THSD7B: variants seen among roughly 807,000 people sequenced by gnomAD.
THSD7B encodes the protein thrombospondin type-1 domain-containing protein 7B.
A neutral mutation model predicts 213.6 loss-of-function variants in THSD7B; 138 were observed. The ratio of observed to expected loss-of-function variants is 0.65; its 90% confidence interval spans 0.56 to 0.74. The LOEUF is 0.74. THSD7B is among the 30% of genes least tolerant of loss of function. THSD7B has a pLI of 0.00. For synonymous variants in THSD7B, 742 were observed against 687.0 expected, an observed-to-expected ratio of 1.08 and a Z score of -1.25; for missense variants, 1,931 against 1,991.5, an observed-to-expected ratio of 0.97 and a Z score of 0.58.
chr2:137,577,923 A>T (rs542725151), intron 17 of THSD7B, among the ~76,000 whole-genome samples: 1 of 152,298 alleles, frequency 6.6e-6, no homozygotes, highest in Non-Finnish European at 1.5e-5. Context: ...GATTCAAGAG[A>T]ATTGGAGAGA....
intron 3 of THSD7B, among the ~76,000 whole-genome samples, chr2:137,073,563 G>GT (rs1165507540): frequency 2.6e-5 from 4 of 152,164 alleles, no homozygotes; most frequent in East Asian, 1.9e-4. Context: ...TTTTGGAAGG[G>GT]TTTTTTGTGT....
At position 137,375,968 on chromosome 2, in the gene THSD7B, T is replaced by A. The variant is rs1464536388; in HGVS notation, c.2501-29645T>A. ...AAATCCTTTGTAGAAAAAGGAAAGT[T>A]CCTTAGAAGATGTTTTAAATAGCCA... On this transcript the variant is annotated intron_variant, in intron 12 of 27. Transcript: ENST00000409968. Among the ~76,000 whole-genome samples the A allele has an allele frequency of 2.0e-5, 3 of 152,194 alleles. No individual in the cohort carries two copies. The South Asian group carries it at 6.2e-4, about 32-fold the overall frequency.
At chr2:136,836,645 T>C (rs1017397656) in intron 1 of THSD7B, among the ~76,000 whole-genome samples, 1 of 152,194 alleles carries the variant, frequency 6.6e-6, no homozygotes, top group Admixed American at 6.6e-5. Flanking sequence ...ACTCCACTTA[T>C]CTAACTATAT....
intron 27 of THSD7B, among the ~76,000 whole-genome samples, chr2:137,668,446 C>CAAA (rs10668254): frequency 0.029 from 4,044 of 141,682 alleles, 156 homozygotes; most frequent in African/African-American, 0.097. Context: ...TGGTCATTTG[C>CAAA]AAAAAAAAAA....
At chr2:137,273,158 A>G (rs1682788070) in intron 11 of THSD7B, among the ~76,000 whole-genome samples, 1 of 151,774 alleles carries the variant, frequency 6.6e-6, no homozygotes, top group East Asian at 1.9e-4. Flanking sequence ...TGTTTATTTT[A>G]ATTAAAAATT....
rs531779811 is a variant in THSD7B, at chr2:136,877,880, C to G, written c.-35-4264C>G. On this transcript the variant is annotated intron_variant, in intron 1 of 27. Transcript: ENST00000409968. The stretch of plus-strand genomic sequence containing the variant: ...GTGGGCAGGGTGGTATAATTTAATC[C>G]TATACACATGAGGATCATAGACTGC... Among the ~76,000 whole-genome samples, 9 of 151,938 alleles carry G rather than the reference C, an allele frequency of 5.9e-5. No homozygotes were observed. The East Asian group carries it at 7.7e-4, about 13-fold the overall frequency.
intron 2 of THSD7B, among the ~76,000 whole-genome samples, chr2:137,030,313 T>A (rs904418575): frequency 6.6e-6 from 1 of 152,214 alleles, no homozygotes; most frequent in Non-Finnish European, 1.5e-5. Flanking sequence ...TCTTTGATGC[T>A]TTTCATTTTT....
At chr2:137,595,135 T>G (rs146167943) in intron 17 of THSD7B, among the ~76,000 whole-genome samples, 221 of 152,148 alleles carry the variant, frequency 1.5e-3, no homozygotes, top group African/African-American at 5.1e-3. Context: ...TTTTATGCAA[T>G]GGACACCTTT....
At chr2:136,974,968 A>G (rs758203880) in intron 2 of THSD7B, among the ~76,000 whole-genome samples, 1 of 149,662 alleles carries the variant, frequency 6.7e-6, no homozygotes, top group Non-Finnish European at 1.5e-5. Flanking sequence ...AGGTTTTTTC[A>G]TATGTTTTTT....
intron 15 of THSD7B, among the ~76,000 whole-genome samples, chr2:137,508,039 T>G (rs190821042): frequency 6.6e-6 from 1 of 152,302 alleles, no homozygotes; most frequent in Admixed American, 6.5e-5. Context: ...CTTCACATGG[T>G]TCTTGTAATA....
At chr2:136,769,760 A>G (rs909443406) in intron 1 of THSD7B, among the ~76,000 whole-genome samples, 3 of 152,210 alleles carry the variant, frequency 2.0e-5, no homozygotes, top group Admixed American at 6.5e-5. Context: ...GTTAAAAAGA[A>G]GAGGTCCACC....
intron 13 of THSD7B, among the ~76,000 whole-genome samples, chr2:137,408,223 A>G (rs1270998022): frequency 1.3e-5 from 2 of 152,168 alleles, no homozygotes; most frequent in Non-Finnish European, 2.9e-5. Flanking sequence ...ATATATTTGT[A>G]CAGAATATTT....
chr2:137,038,445 G>C (rs1686817404), intron 2 of THSD7B, among the ~76,000 whole-genome samples: 1 of 152,148 alleles, frequency 6.6e-6, no homozygotes, highest in East Asian at 1.9e-4. Context: ...CATCCCTTTG[G>C]AAAAGAGCTG....
chr2:137,208,646 C>A (rs1410719728), intron 7 of THSD7B, among the ~76,000 whole-genome samples: 1 of 151,902 alleles, frequency 6.6e-6, no homozygotes, highest in African/African-American at 2.4e-5. Context: ...TAGGGTTTTT[C>A]AAGGATAATT....
intron 3 of THSD7B, among the ~76,000 whole-genome samples, chr2:137,071,440 G>A (rs569139750): frequency 6.6e-6 from 1 of 152,122 alleles, no homozygotes; most frequent in Admixed American, 6.6e-5. Context: ...TGAGTTCATT[G>A]TAGATTCTGG....
intron 5 of THSD7B, among the ~76,000 whole-genome samples, chr2:137,146,225 T>G (rs1679700129): frequency 6.6e-6 from 1 of 152,034 alleles, no homozygotes. Flanking sequence ...ATACAAGTAA[T>G]AAAATAGTAA....
chr2:136,811,370 T>C (rs1682374352), intron 1 of THSD7B, among the ~76,000 whole-genome samples: 1 of 152,144 alleles, frequency 6.6e-6, no homozygotes, highest in African/African-American at 2.4e-5. Context: ...AATTGTCATG[T>C]GAAATAGTAG....
chr2:136,884,109 G>A (rs1683673258), intron 2 of THSD7B, among the ~76,000 whole-genome samples: 2 of 147,202 alleles, frequency 1.4e-5, no homozygotes, highest in African/African-American at 5.0e-5. Flanking sequence ...ATTTATGCAT[G>A]TTTATGTGTA....
intron 12 of THSD7B, among the ~76,000 whole-genome samples, chr2:137,330,933 G>C (rs557413608): frequency 1.7e-4 from 26 of 152,156 alleles, no homozygotes; most frequent in Non-Finnish European, 3.8e-4. Flanking sequence ...CCCTGAGCTA[G>C]ATACAAAGGT....
Sources: allele counts gnomAD v4.1 joint callset (sites outside exome capture counted in the v4.1 genomes callset), GRCh38; gene constraint gnomAD v4.1.1; transcripts MANE v1.5; gene names NCBI Gene and HGNC (gene_info 2026-07-23, HGNC 2026-07-21).